The following PLD1 variants were observed in gnomAD, a reference collection of about 807,000 sequenced individuals.
The protein encoded by PLD1 is choline phosphatase 1.
PLD1 carries 112 observed loss-of-function variants against 137.1 expected under a neutral mutation model. The ratio of observed to expected loss-of-function variants is 0.82; its 90% CI spans 0.70 to 0.96. PLD1 has a LOEUF of 0.96. Ranked by LOEUF, PLD1 falls within the 40% of genes least tolerant of loss-of-function variation. PLD1 has a pLI of 0.00. For synonymous variants in PLD1, 431 were observed against 454.7 expected, an observed-to-expected ratio of 0.95 and a Z score of 0.66; for missense variants, 1,321 against 1,342.0, an observed-to-expected ratio of 0.98 and a Z score of 0.24.
intron 1 of PLD1, among the ~76,000 whole-genome samples, chr3:171,799,362 A>G (rs1723557871): frequency 7.4e-6 from 1 of 135,082 alleles, no homozygotes; most frequent in Non-Finnish European, 1.6e-5. Flanking sequence ...AAAAAAAAAA[A>G]GAGGAAAAAA....
chr3:171,792,778 T>G (rs1321031278), intron 1 of PLD1: 1 of 445,982 alleles, frequency 2.2e-6, no homozygotes, highest in East Asian at 7.1e-5. Flanking sequence ...CCCCCCAGAT[T>G]TGCAAACTTG....
Position 171,600,454 on chromosome 3 carries a change from G to T in PLD1, c.*2624C>A, listed in dbSNP as rs1312154828. ...TTCAAAATAGTCACTTTGAAATGTTGAGCAGATTCATGATAGATTTTCAAG... is the reference window on the plus strand; with the variant it reads ...TTCAAAATAGTCACTTTGAAATGTTTAGCAGATTCATGATAGATTTTCAAG... On this transcript the variant is annotated 3_prime_UTR_variant, in exon 27 of 27. Transcript: ENST00000351298. 1 of 152,214 alleles carries T rather than the reference G, an allele frequency of 6.6e-6. No individual in the cohort carries two copies. Among genetic ancestry groups the T allele is most frequent in the Non-Finnish European group, 1.5e-5 (1 of 68,010 alleles). The allele number at this position is 152,214 out of a possible 1,614,324, so 9.4% of individuals were successfully genotyped here.
intron 1 of PLD1, among the ~76,000 whole-genome samples, chr3:171,810,077 C>A (rs1044909326): frequency 1.3e-5 from 2 of 152,242 alleles, no homozygotes; most frequent in African/African-American, 4.8e-5. Context: ...CCTGTGGCGG[C>A]GAGGCGGTGC....
At chr3:171,800,129 T>C (rs923995439) in intron 1 of PLD1, among the ~76,000 whole-genome samples, 4 of 152,232 alleles carry the variant, frequency 2.6e-5, no homozygotes, top group Non-Finnish European at 2.9e-5. Flanking sequence ...TAGAGGAAAC[T>C]GTGTACTCCT....
At chr3:171,667,036 C>T (rs1209036293) in intron 19 of PLD1, among the ~76,000 whole-genome samples, 1 of 152,186 alleles carries the variant, frequency 6.6e-6, no homozygotes. Flanking sequence ...GTATTTGTCC[C>T]AAATTCCCTT....
At chr3:171,755,796 G>A (rs900534914) in intron 1 of PLD1, among the ~76,000 whole-genome samples, 4 of 152,124 alleles carry the variant, frequency 2.6e-5, no homozygotes, top group African/African-American at 4.8e-5. Context: ...TTCCAACTGC[G>A]ATCCTTGTCC....
chr3:171,658,783 T>G (rs999925247), intron 21 of PLD1, among the ~76,000 whole-genome samples: 1 of 152,152 alleles, frequency 6.6e-6, no homozygotes, highest in Non-Finnish European at 1.5e-5. Flanking sequence ...GTGGCTGGAT[T>G]ATACAGTATG....
At position 171,727,508 on chromosome 3, in the gene PLD1, A is replaced by G. The variant is rs182432095; in HGVS notation, c.607-1432T>C. Among the ~76,000 whole-genome samples, 7 of 152,350 alleles carry G rather than the reference A, an allele frequency of 4.6e-5. No homozygotes were observed. In the East Asian group the frequency reaches 1.3e-3, roughly 29 times the overall value. On this transcript the variant is annotated intron_variant, in intron 6 of 26. Coordinates refer to ENST00000351298, the MANE Select transcript of PLD1 (RefSeq NM_002662.5). ...TCGTTTTGAAAAGTGACCAACAATAAGATCAGTTCCTTAGGCCATGTCAAT... is the reference window on the plus strand; with the variant it reads ...TCGTTTTGAAAAGTGACCAACAATAGGATCAGTTCCTTAGGCCATGTCAAT...
At chr3:171,764,914 A>G (rs1721797973) in intron 1 of PLD1, among the ~76,000 whole-genome samples, 2 of 32,336 alleles carry the variant, frequency 6.2e-5, no homozygotes, top group African/African-American at 2.1e-4. Flanking sequence ...GAAGGAAGGA[A>G]AGAAAGAAAG....
chr3:171,629,780 T>C (rs1355299298), intron 23 of PLD1, among the ~76,000 whole-genome samples: 1 of 152,152 alleles, frequency 6.6e-6, no homozygotes, highest in Non-Finnish European at 1.5e-5. Context: ...CCCTATTCAA[T>C]AAATGGTGCT....
At chr3:171,691,245 G>A (rs1715119178) in intron 13 of PLD1, among the ~76,000 whole-genome samples, 1 of 152,036 alleles carries the variant, frequency 6.6e-6, no homozygotes, top group African/African-American at 2.4e-5. Flanking sequence ...TTGGATCATG[G>A]TTTCTTAAAA....
intron 9 of PLD1, among the ~76,000 whole-genome samples, chr3:171,710,093 C>T (rs970971490): frequency 3.3e-5 from 5 of 152,010 alleles, no homozygotes; most frequent in Non-Finnish European, 5.9e-5. Context: ...GATGGAGTCT[C>T]GCTCTGTCGC....
intron 1 of PLD1, among the ~76,000 whole-genome samples, chr3:171,796,289 A>G (rs146265326): frequency 9.1e-4 from 139 of 152,342 alleles, no homozygotes; most frequent in East Asian, 6.0e-3. Flanking sequence ...AGCCAAAGAG[A>G]TGTTTAAATT....
chr3:171,765,986 G>T (rs934111908), intron 1 of PLD1, among the ~76,000 whole-genome samples: 5 of 152,014 alleles, frequency 3.3e-5, no homozygotes, highest in Admixed American at 3.3e-4. Flanking sequence ...GCTTGACACA[G>T]AAAAGTCAAA....
intron 23 of PLD1, among the ~76,000 whole-genome samples, chr3:171,634,493 A>C (rs1433917889): frequency 6.6e-6 from 1 of 152,272 alleles, no homozygotes; most frequent in African/African-American, 2.4e-5. Flanking sequence ...AGAGACAGAG[A>C]TAATACTCTG....
At chr3:171,779,113 C>T (rs940311891) in intron 1 of PLD1, among the ~76,000 whole-genome samples, 3 of 152,158 alleles carry the variant, frequency 2.0e-5, no homozygotes, top group Non-Finnish European at 4.4e-5. Flanking sequence ...CGCTTGAACC[C>T]AGGAGGCAGA....
chr3:171,606,414 T>C (rs1266686378), intron 25 of PLD1, among the ~76,000 whole-genome samples: 1 of 152,148 alleles, frequency 6.6e-6, no homozygotes, highest in African/African-American at 2.4e-5. Flanking sequence ...TGTTTAGAGA[T>C]ATAAATCTGA....
At chr3:171,638,577 T>C (rs1385835635) in intron 23 of PLD1, among the ~76,000 whole-genome samples, 1 of 152,230 alleles carries the variant, frequency 6.6e-6, no homozygotes, top group Non-Finnish European at 1.5e-5. Flanking sequence ...ATGGTAGAAC[T>C]AATTAGCAAA....
At chr3:171,680,242 CTTTTTTTTTT>C (rs571538714) in intron 16 of PLD1, among the ~76,000 whole-genome samples, 22 of 102,906 alleles carry the variant, frequency 2.1e-4, no homozygotes, top group South Asian at 6.8e-4. Flanking sequence ...TTTTCTTCCT[CTTTTTTTTTT>C]TTTTTTTTTT....
Sources: allele counts gnomAD v4.1 joint callset (sites outside exome capture counted in the v4.1 genomes callset), GRCh38; gene constraint gnomAD v4.1.1; transcripts MANE v1.5; gene names NCBI Gene and HGNC (gene_info 2026-07-23, HGNC 2026-07-21).